UIMC1: variants seen among roughly 807,000 people sequenced by gnomAD.
The protein encoded by UIMC1 is ubiquitin interaction motif containing 1, also known as BRCA1-A complex subunit RAP80.
A neutral mutation model predicts 84.9 loss-of-function variants in UIMC1; 42 were observed. That is an observed-to-expected ratio of 0.49 (90% CI 0.39 to 0.64). The LOEUF is 0.64. UIMC1 is among the 30% of genes least tolerant of loss of function. The pLI, the probability that UIMC1 is intolerant of heterozygous loss-of-function variation, is 0.00. For missense variants in UIMC1, 825 were observed against 847.6 expected (o/e 0.97, Z 0.33); for synonymous variants, 281 against 293.0 (o/e 0.96, Z 0.42).
At chr5:176,996,701 G>A (rs887131823) in intron 1 of UIMC1, among the ~76,000 whole-genome samples, 40 of 152,144 alleles carry the variant, frequency 2.6e-4, no homozygotes, top group Non-Finnish European at 2.9e-5. Context: ...GTTGAACTAT[G>A]AGTCCAGTAG....
At chr5:176,958,780 A>T (rs1280583243) in intron 6 of UIMC1, among the ~76,000 whole-genome samples, 1 of 152,248 alleles carries the variant, frequency 6.6e-6, no homozygotes, top group Admixed American at 6.5e-5. Flanking sequence ...GGACTACATA[A>T]GGAAAGATTA....
At chr5:176,989,082 A>G (rs1022121913) in intron 1 of UIMC1, among the ~76,000 whole-genome samples, 11 of 152,160 alleles carry the variant, frequency 7.2e-5, no homozygotes, top group African/African-American at 2.7e-4. Context: ...AGATTTAAAT[A>G]AAGCCACCTT....
At chr5:176,930,839 CAA>C (rs1454435989) in intron 10 of UIMC1, among the ~76,000 whole-genome samples, 1 of 152,180 alleles carries the variant, frequency 6.6e-6, no homozygotes, top group African/African-American at 2.4e-5. Flanking sequence ...TGTTCACCAG[CAA>C]AGAGTCTAAT....
At chr5:177,014,980 C>T (rs1775642320) in intron 1 of UIMC1, among the ~76,000 whole-genome samples, 1 of 152,266 alleles carries the variant, frequency 6.6e-6, no homozygotes, top group Middle Eastern at 3.4e-3. Flanking sequence ...TGCCTGTAAT[C>T]CCAGCACTTT....
chr5:176,976,732 C>T (rs909331849), intron 2 of UIMC1, among the ~76,000 whole-genome samples: 1 of 152,196 alleles, frequency 6.6e-6, no homozygotes. Context: ...TGGGCAAATC[C>T]ATATAGAAAG....
intron 14 of UIMC1, 141 bp downstream of exon 14, chr5:176,905,870 A>C: frequency 1.2e-6 from 1 of 848,020 alleles, no homozygotes; most frequent in Non-Finnish European, 1.9e-6. Flanking sequence ...GCACAGAGTC[A>C]TACTGAGAGA....
In UIMC1 at chr5:176,969,603, T is replaced by C; in HGVS notation, c.461A>G (p.Glu154Gly). ...GGAGTCAGAACAGGGAGACATGCCT[T>C]CAGTGAGCCCAGAGTCTGTGGTTTT... is the stretch of plus-strand genomic sequence containing the variant. Reference protein sequence around the residue: ...QEKTTDSGLTEGIWQLVPPSL... With the variant: ...QEKTTDSGLTGGIWQLVPPSL... The change falls in exon 5 of 15, where the codon GAA becomes GGA. Residue 154 changes from glutamate to glycine, a missense_variant and splice_region_variant. By Grantham distance (98) the Glu-to-Gly change is moderately conservative. Coordinates refer to ENST00000511320, the MANE Select transcript of UIMC1 (RefSeq NM_001199298.2). 1 of 1,614,024 alleles carries C rather than the reference T, an allele frequency of 6.2e-7. No homozygotes were observed. The highest frequency in any genetic ancestry group is 1.3e-5 in the African/African-American group (1 of 75,034).
intron 1 of UIMC1, among the ~76,000 whole-genome samples, chr5:177,020,218 C>T (rs1002851233): frequency 2.6e-5 from 4 of 152,168 alleles, no homozygotes; most frequent in African/African-American, 9.7e-5. Context: ...ACATCATGCT[C>T]TCTCCTGCCT....
At chr5:176,975,209 A>C (rs1309582726) in intron 3 of UIMC1, among the ~76,000 whole-genome samples, 187 bp downstream of exon 3, 4 of 152,208 alleles carry the variant, frequency 2.6e-5, no homozygotes, top group African/African-American at 7.2e-5. Context: ...CTTCCACTGA[A>C]GATACAGGAA....
chr5:176,994,246 A>G (rs1773275118), intron 1 of UIMC1, among the ~76,000 whole-genome samples: 1 of 152,130 alleles, frequency 6.6e-6, no homozygotes, highest in African/African-American at 2.4e-5. Flanking sequence ...ATTTAAAAGA[A>G]GCAAGCGATA....
At chr5:176,993,677 T>C (rs562550880) in intron 1 of UIMC1, among the ~76,000 whole-genome samples, 20 of 152,138 alleles carry the variant, frequency 1.3e-4, no homozygotes, top group Non-Finnish European at 2.5e-4. Context: ...TTTTTAACTA[T>C]ATGAATACTA....
intron 10 of UIMC1, among the ~76,000 whole-genome samples, chr5:176,934,076 C>T (rs867115160): frequency 9.2e-5 from 14 of 152,028 alleles, no homozygotes; most frequent in African/African-American, 2.9e-4. Context: ...AATTTGAGAT[C>T]CTATTCAGAT....
chr5:176,929,622 T>C (rs1561760534), intron 10 of UIMC1, among the ~76,000 whole-genome samples: 2 of 152,052 alleles, frequency 1.3e-5, no homozygotes, highest in African/African-American at 4.8e-5. Context: ...GAGTTATGGA[T>C]AGAATACATA....
At chr5:176,981,759 GC>G (rs1771089305) in intron 2 of UIMC1, among the ~76,000 whole-genome samples, 1 of 151,942 alleles carries the variant, frequency 6.6e-6, no homozygotes, top group Non-Finnish European at 1.5e-5. Flanking sequence ...CTGCACTCCA[GC>G]CTAGGTGACA....
chr5:177,000,204 T>C (rs1468860615), intron 1 of UIMC1, among the ~76,000 whole-genome samples: 5 of 152,196 alleles, frequency 3.3e-5, no homozygotes, highest in Non-Finnish European at 7.3e-5. Context: ...ATCCGCCGCC[T>C]CGGCCTCCCA....
At chr5:176,986,991 G>A (rs551227240) in intron 1 of UIMC1, among the ~76,000 whole-genome samples, 251 of 151,818 alleles carry the variant, frequency 1.7e-3, no homozygotes, top group African/African-American at 5.7e-3. Context: ...AGGCTGAGGC[G>A]GGCAGATTAC....
intron 1 of UIMC1, among the ~76,000 whole-genome samples, chr5:176,999,384 C>A (rs1210129220): frequency 2.0e-5 from 3 of 152,070 alleles, no homozygotes; most frequent in Non-Finnish European, 2.9e-5. Context: ...GTATCCATCC[C>A]CTCAAGCATT....
chr5:177,009,881 A>G (rs1430061815), upstream of UIMC1, among the ~76,000 whole-genome samples: 4 of 152,168 alleles, frequency 2.6e-5, no homozygotes, highest in African/African-American at 9.7e-5. This position sits in a 1 kb window ranked among gnomAD's most constrained non-coding sequence, Gnocchi z 4.3. Context: ...CTAAAAATAC[A>G]AAAATTAGCT....
intron 12 of UIMC1, 87 bp downstream of exon 12, chr5:176,908,436 G>A (rs1208445004): frequency 8.3e-6 from 11 of 1,323,610 alleles, no homozygotes; most frequent in Non-Finnish European, 1.0e-5. Flanking sequence ...GGAGGGAGAA[G>A]AGGGAAAAGC....
Sources: allele counts gnomAD v4.1 joint callset (sites outside exome capture counted in the v4.1 genomes callset), GRCh38; gene constraint gnomAD v4.1.1; non-coding constraint Gnocchi (gnomAD v3.1); transcripts MANE v1.5; gene names NCBI Gene and HGNC (gene_info 2026-07-23, HGNC 2026-07-21).